The following PTPRD variants were observed in gnomAD, a reference collection of about 807,000 sequenced individuals.
PTPRD encodes receptor-type tyrosine-protein phosphatase delta.
Under a neutral mutation model 214.5 loss-of-function variants are expected in PTPRD, and 34 were observed. The observed-to-expected ratio is 0.16, with a 90% CI of 0.12 to 0.21. PTPRD has a LOEUF of 0.21. Among genes scored for constraint, PTPRD ranks in the 10% least tolerant of loss-of-function variants. The probability of loss-of-function intolerance (pLI) is 1.00; values close to 1 mark genes in which losing one functional copy is unlikely to be tolerated. For synonymous variants in PTPRD, 1,128 were observed against 845.7 expected (o/e 1.33, Z -5.79); for missense variants, 2,545 against 2,398.7 (o/e 1.06, Z -1.27).
At chr9:8,380,246 C>T (rs1248660676) in intron 37 of PTPRD, among the ~76,000 whole-genome samples, 2 of 152,166 alleles carry the variant, frequency 1.3e-5, no homozygotes, top group Non-Finnish European at 2.9e-5. Flanking sequence ...AGTCCCTGCC[C>T]TCAATCCATT....
intron 39 of PTPRD, among the ~76,000 whole-genome samples, chr9:8,372,927 G>T (rs2081997852): frequency 6.6e-6 from 1 of 151,718 alleles, no homozygotes; most frequent in Non-Finnish European, 1.5e-5. Context: ...GGATATATTG[G>T]GCAGAAGGCT....
chr9:10,230,783 T>A (rs1452230842), intron 3 of PTPRD, among the ~76,000 whole-genome samples: 1 of 152,120 alleles, frequency 6.6e-6, no homozygotes, highest in African/African-American at 2.4e-5. Flanking sequence ...AGGTTTCAGT[T>A]CTCTACCATT....
chr9:8,621,008 C>T (rs567056401), intron 14 of PTPRD, among the ~76,000 whole-genome samples: 1 of 151,946 alleles, frequency 6.6e-6, no homozygotes, highest in Non-Finnish European at 1.5e-5. Context: ...TTTATGAAAA[C>T]AAATGCAAAA....
chr9:9,724,857 C>A (rs1418389248), intron 7 of PTPRD, among the ~76,000 whole-genome samples: 1 of 152,080 alleles, frequency 6.6e-6, no homozygotes, highest in Non-Finnish European at 1.5e-5. Context: ...GGGATTTGAG[C>A]CTAGGCAAAC....
In PTPRD at chr9:9,394,511, C is replaced by T. The variant is rs540467082; in HGVS notation, c.-203+2938G>A. Among the ~76,000 whole-genome samples the T allele has an allele frequency of 3.0e-4, 46 of 152,118 alleles. 1 individual carries two copies. Among genetic ancestry groups the T allele is most frequent in the Admixed American group, 2.6e-3 (40 of 15,250 alleles). ...TCTCAGTTCTAACACTTACCAGTTA[C>T]GTAAATTTTAGCAATTTAATATTTT... On this transcript the variant is annotated intron_variant, in intron 9 of 45. Coordinates refer to ENST00000381196, the MANE Select transcript of PTPRD (RefSeq NM_002839.4).
At chr9:9,402,977 A>AAC (rs1569568017) in intron 8 of PTPRD, among the ~76,000 whole-genome samples, 1,694 of 145,366 alleles carry the variant, frequency 0.012, 43 homozygotes, top group African/African-American at 0.041. Flanking sequence ...AAAAAAAAAA[A>AAC]AAAAAAAAAA....
chr9:8,952,319 C>T (rs938675729), intron 11 of PTPRD, among the ~76,000 whole-genome samples: 1 of 151,942 alleles, frequency 6.6e-6, no homozygotes, highest in Non-Finnish European at 1.5e-5. Flanking sequence ...AAAAATTCAG[C>T]ATATTAATAT....
At chr9:10,367,039 A>C (rs1340978486) in intron 2 of PTPRD, among the ~76,000 whole-genome samples, 3 of 151,502 alleles carry the variant, frequency 2.0e-5, no homozygotes, top group Non-Finnish European at 4.4e-5. Context: ...TTCTGTATAC[A>C]TAGTTTATTT....
At chr9:10,065,147 G>GAAAGAAAGAAAGAAAGAA (rs1567444248) in intron 3 of PTPRD, among the ~76,000 whole-genome samples, 2 of 144,572 alleles carry the variant, frequency 1.4e-5, no homozygotes, top group Admixed American at 1.4e-4. Flanking sequence ...GGATTAGAAA[G>GAAAGAAAGAAAGAAAGAA]AAAGAAAGAA....
intron 2 of PTPRD, among the ~76,000 whole-genome samples, chr9:10,398,641 A>G (rs1368246017): frequency 1.3e-5 from 2 of 152,010 alleles, no homozygotes; most frequent in Non-Finnish European, 1.5e-5. Flanking sequence ...TCAGTGTAAA[A>G]ATATATTTCC....
At chr9:10,013,538 A>C (rs1157582274) in intron 4 of PTPRD, among the ~76,000 whole-genome samples, 1 of 150,936 alleles carries the variant, frequency 6.6e-6, no homozygotes, top group African/African-American at 2.4e-5. Flanking sequence ...AGGTAAAGTC[A>C]GTGTACAAAG....
intron 44 of PTPRD, among the ~76,000 whole-genome samples, chr9:8,324,767 T>G (rs1260474085): frequency 6.6e-6 from 1 of 152,160 alleles, no homozygotes; most frequent in Non-Finnish European, 1.5e-5. Flanking sequence ...CATCTGTTGT[T>G]TCCTGACTTT....
intron 7 of PTPRD, among the ~76,000 whole-genome samples, chr9:9,704,184 G>A (rs866182209): frequency 6.6e-6 from 1 of 152,012 alleles, no homozygotes; most frequent in South Asian, 2.1e-4. Flanking sequence ...TCAAACTCAA[G>A]TACAGCACAT....
chr9:10,034,675 A>G (rs1222562171), intron 3 of PTPRD, among the ~76,000 whole-genome samples: 1 of 151,888 alleles, frequency 6.6e-6, no homozygotes, highest in Non-Finnish European at 1.5e-5. Context: ...AACATGCAGT[A>G]TTTGGCTTTC....
At chr9:8,351,216 C>A (rs1452369508) in intron 39 of PTPRD, among the ~76,000 whole-genome samples, 1 of 152,086 alleles carries the variant, frequency 6.6e-6, no homozygotes. Flanking sequence ...TATTGCAGAA[C>A]AATATATATA....
chr9:10,510,973 TTTAC>T (rs766944444), intron 2 of PTPRD, among the ~76,000 whole-genome samples: 27 of 152,128 alleles, frequency 1.8e-4, no homozygotes, highest in Non-Finnish European at 1.3e-4. Flanking sequence ...CTGTGACTGG[TTTAC>T]TTAATGTAAC....
chr9:10,505,643 C>T (rs936853449), intron 2 of PTPRD, among the ~76,000 whole-genome samples: 3 of 151,602 alleles, frequency 2.0e-5, no homozygotes, highest in African/African-American at 4.8e-5. Flanking sequence ...GCTCCAAAGC[C>T]ACATCTTTCT....
At chr9:9,332,070 T>G (rs1013149871) in intron 9 of PTPRD, among the ~76,000 whole-genome samples, 1 of 152,032 alleles carries the variant, frequency 6.6e-6, no homozygotes, top group Admixed American at 6.6e-5. Flanking sequence ...TCTGTTCACA[T>G]GTAGAGGTGA....
At chr9:8,378,090 C>G (rs1475093805) in intron 37 of PTPRD, among the ~76,000 whole-genome samples, 1 of 152,070 alleles carries the variant, frequency 6.6e-6, no homozygotes, top group Admixed American at 6.6e-5. Context: ...TGAGACCACA[C>G]AAACATCATC....
Sources: gnomAD v4.1 joint callset for allele counts (sites outside exome capture counted in the v4.1 genomes callset) on GRCh38, gnomAD v4.1.1 for gene constraint, MANE v1.5 for transcripts, NCBI Gene and HGNC (gene_info 2026-07-23, HGNC 2026-07-21) for gene names.